WWC1: variants seen among roughly 807,000 people sequenced by gnomAD.
WWC1 encodes the protein WW and C2 domain containing 1.
A neutral mutation model predicts 138.4 loss-of-function variants in WWC1; 55 were observed. The observed-to-expected ratio is 0.40, with a 90% CI of 0.32 to 0.50. The LOEUF (loss-of-function observed/expected upper bound fraction) is 0.50. Among genes scored for constraint, WWC1 ranks in the 20% least tolerant of loss-of-function variants. WWC1 has a pLI of 0.72. For synonymous variants in WWC1, 524 were observed against 564.9 expected (o/e 0.93, Z 1.03); for missense variants, 1,226 against 1,420.4 (o/e 0.86, Z 2.20).
intron 9 of WWC1, chr5:168,415,894 T>C (rs1780611397): frequency 7.0e-6 from 1 of 142,144 alleles, no homozygotes; most frequent in Non-Finnish European, 1.5e-5. Flanking sequence ...AGCAAGGGAA[T>C]TCCTTTTTCT....
In WWC1 at chr5:168,349,049, C is replaced by T. The variant is rs77686447; in HGVS notation, c.120-22375C>T. Among the ~76,000 whole-genome samples the T allele has an allele frequency of 5.0e-4, 76 of 152,280 alleles. 1 individual carries two copies. The East Asian group carries it at 9.4e-3, about 19-fold the overall frequency. On this transcript the variant is annotated intron_variant, in intron 1 of 22. Transcript: ENST00000265293. Reference sequence around the variant, plus strand: ...AAACTGAGGCACAGCAAGGTTAATACGCCCGAGATTCAAGAGCTGGCAGGT... The same window carrying T: ...AAACTGAGGCACAGCAAGGTTAATATGCCCGAGATTCAAGAGCTGGCAGGT...
intron 2 of WWC1, among the ~76,000 whole-genome samples, chr5:168,383,370 A>G (rs1777794236): frequency 6.6e-6 from 1 of 152,192 alleles, no homozygotes; most frequent in Non-Finnish European, 1.5e-5. Flanking sequence ...ACAAAAGTAG[A>G]TTCAGAGACG....
chr5:168,390,312 G>T (rs940439819), intron 3 of WWC1, among the ~76,000 whole-genome samples: 3 of 151,902 alleles, frequency 2.0e-5, no homozygotes, highest in African/African-American at 7.3e-5. Context: ...TGAAAAAGAG[G>T]TTTTTTTTAC....
rs190935639 is a variant in WWC1, at chr5:168,380,087, A to G, written c.230-5124A>G. Among the ~76,000 whole-genome samples, 91 of 152,346 alleles carry G rather than the reference A, an allele frequency of 6.0e-4. No individual in the cohort carries two copies. In the Middle Eastern group the frequency reaches 0.01, roughly 17 times the overall value. On this transcript the variant is annotated intron_variant, in intron 2 of 22. Coordinates refer to ENST00000265293, the MANE Select transcript of WWC1 (RefSeq NM_015238.3). ...AAGACAAGCCACAGATAAGGAGACA[A>G]TATTGCAATACATATCTCTAACAAA...
Position 168,430,144 on chromosome 5 carries a change from GAGA to G in WWC1, c.2013_2015del (p.Lys671del). ...TGCCCCTTTTCATTTCAGGTATGAT[GAGA>G]AGAATAAGCAATTTGCAATATTAAT... On this transcript the variant is annotated inframe_deletion, in exon 14 of 23. Coordinates refer to ENST00000265293, the MANE Select transcript of WWC1 (RefSeq NM_015238.3). The G allele has an allele frequency of 6.2e-7, 1 of 1,613,504 alleles. No homozygotes were observed. The highest frequency in any genetic ancestry group is 8.5e-7 in the Non-Finnish European group (1 of 1,179,520).
At chr5:168,423,162 A>AAAAAAAAAAAAAAAAAC (rs1561743499) in intron 10 of WWC1, among the ~76,000 whole-genome samples, 6 of 108,694 alleles carry the variant, frequency 5.5e-5, no homozygotes, top group Non-Finnish European at 6.1e-5. Context: ...AAAAAAAAAA[A>AAAAAAAAAAAAAAAAAC]AAAAAAAAAA....
chr5:168,393,202 A>G (rs771918932), intron 3 of WWC1, among the ~76,000 whole-genome samples: 1 of 152,246 alleles, frequency 6.6e-6, no homozygotes, highest in Admixed American at 6.5e-5. Context: ...GGAGAAAAGC[A>G]TCGCTGAAAT....
At chr5:168,421,909 C>G in intron 9 of WWC1, 99 bp from the exon 10 acceptor site, 1 of 980,212 alleles carries the variant, frequency 1.0e-6, no homozygotes, top group South Asian at 1.3e-5. Context: ...AAATGCTTTA[C>G]GGAAAGTTCT....
At chr5:168,407,997 G>C (rs1027355766) in intron 6 of WWC1, among the ~76,000 whole-genome samples, 25 of 149,412 alleles carry the variant, frequency 1.7e-4, no homozygotes, top group African/African-American at 5.7e-4. Flanking sequence ...CAAGTAGTTG[G>C]AACTACAGAC....
chr5:168,319,709 C>G (rs1286512872), intron 1 of WWC1, among the ~76,000 whole-genome samples: 1 of 152,188 alleles, frequency 6.6e-6, no homozygotes, highest in Non-Finnish European at 1.5e-5. Context: ...CCACATTGCT[C>G]AGGCTGGTCT....
At position 168,363,374 on chromosome 5, in the gene WWC1, A is replaced by C. The variant is rs534376906; in HGVS notation, c.120-8050A>C. Among the ~76,000 whole-genome samples, 33 of 152,054 alleles carry C rather than the reference A, an allele frequency of 2.2e-4. 1 individual carries two copies. In the South Asian group the frequency reaches 6.0e-3, roughly 28 times the overall value. On this transcript the variant is annotated intron_variant, in intron 1 of 22. Transcript: ENST00000265293. Reference sequence around the variant, plus strand: ...TCCCGCCTCTACTAAAAGTACAAAAATTAGCCCGGCATGGTGGCGGGCACC... The same window carrying C: ...TCCCGCCTCTACTAAAAGTACAAAACTTAGCCCGGCATGGTGGCGGGCACC...
intron 11 of WWC1, among the ~76,000 whole-genome samples, chr5:168,427,742 C>T (rs187559425): frequency 2.5e-4 from 38 of 151,446 alleles, no homozygotes; most frequent in Non-Finnish European, 4.0e-4. Context: ...TCGCCTAAGA[C>T]CAGGAGTTCA....
rs1757301346 is a variant in WWC1 at position 168,466,441 on chromosome 5, AGCACCTTACAGAGG to A, written c.3151-1397_3151-1384del. 2.0e-5 allele frequency among the ~76,000 whole-genome samples: 3 copies of A among 152,338 alleles called. No homozygotes were observed. In the East Asian group the frequency reaches 5.8e-4, roughly 29 times the overall value. On this transcript the variant is annotated intron_variant, in intron 21 of 22. Coordinates refer to ENST00000265293, the MANE Select transcript of WWC1 (RefSeq NM_015238.3). ...TGTGCACACAGCCAGCCTTGCTGAG[AGCACCTTACAGAGG>A]GTGCCTACCTGAACTCTCAGGACCA...
rs562346947 is a variant in WWC1 at position 168,469,413 on chromosome 5, G to A, written c.*396G>A. ...AGGTCTTACTGCAATAAGAAGTAAT[G>A]CCTGGGGGACGGTAATCCTAATAGG... On this transcript the variant is annotated 3_prime_UTR_variant, in exon 23 of 23. Transcript: ENST00000265293. The A allele has an allele frequency of 5.4e-6, 1 of 183,580 alleles. No homozygotes were observed. Among genetic ancestry groups the A allele is most frequent in the Non-Finnish European group, 1.2e-5 (1 of 86,780 alleles). The allele number at this position is 183,580 out of a possible 1,614,324, so 11.4% of individuals were successfully genotyped here.
chr5:168,383,712 A>G (rs192754642), intron 2 of WWC1, among the ~76,000 whole-genome samples: 38 of 152,336 alleles, frequency 2.5e-4, no homozygotes, highest in Admixed American at 8.5e-4. Context: ...ACATACCAGT[A>G]ATCAATTCAG....
chr5:168,388,231 C>T (rs1387582674), intron 3 of WWC1, among the ~76,000 whole-genome samples: 1 of 151,988 alleles, frequency 6.6e-6, no homozygotes, highest in Non-Finnish European at 1.5e-5. Flanking sequence ...TGAATCTAAT[C>T]AAGAGCACAG....
chr5:168,459,985 T>A (rs1026326924), intron 19 of WWC1, among the ~76,000 whole-genome samples: 1 of 152,146 alleles, frequency 6.6e-6, no homozygotes, highest in African/African-American at 2.4e-5. Flanking sequence ...ACAGGCCTGA[T>A]TTCTGGTCTT....
rs1779980200 is a variant in WWC1, at chr5:168,408,518, G to A, written c.732G>A (p.Met244Ile). ...EKQDLIKSLA[M>I]LKDGFRTDRG... is the part of the protein sequence containing the mutation. ...CTCCCCTCCTTCAGAGCCTTGCCAT[G>A]TTGAAGGACGGCTTCCGCACTGACA... The change falls in exon 7 of 23, where the codon ATG becomes ATA. Residue 244 changes from methionine to isoleucine, a missense_variant. By Grantham distance (10) the Met-to-Ile change is conservative. Coordinates refer to ENST00000265293, the MANE Select transcript of WWC1 (RefSeq NM_015238.3). 8 of 1,614,052 alleles carry A rather than the reference G, an allele frequency of 5.0e-6. No individual in the cohort carries two copies. The highest frequency in any genetic ancestry group is 5.9e-6 in the Non-Finnish European group (7 of 1,179,942).
Position 168,439,722 on chromosome 5 carries a change from C to T in WWC1, c.2281-1960C>T, listed in dbSNP as rs550494622. The stretch of plus-strand genomic sequence containing the variant: ...CGTTTTGTACTTGTGCAGGTTTCTG[C>T]AGGTGTATCTGTGGGATAGACAGCT... On this transcript the variant is annotated intron_variant, in intron 15 of 22. Coordinates refer to ENST00000265293, the MANE Select transcript of WWC1 (RefSeq NM_015238.3). Among the ~76,000 whole-genome samples, 11 of 152,110 alleles carry T rather than the reference C, an allele frequency of 7.2e-5. No homozygotes were observed. In the East Asian group the frequency reaches 1.9e-3, roughly 27 times the overall value.
Sources: gnomAD v4.1 joint callset for allele counts (sites outside exome capture counted in the v4.1 genomes callset) on GRCh38, gnomAD v4.1.1 for gene constraint, MANE v1.5 for transcripts, NCBI Gene and HGNC (gene_info 2026-07-23, HGNC 2026-07-21) for gene names.